SNX29: variants seen among roughly 807,000 people sequenced by gnomAD.
The protein encoded by SNX29 is sorting nexin-29.
Under a neutral mutation model 102.1 loss-of-function variants are expected in SNX29, and 78 were observed. That is an observed-to-expected ratio of 0.76 (90% CI 0.64 to 0.92). The LOEUF is 0.92. Among genes scored for constraint, SNX29 ranks in the 40% least tolerant of loss-of-function variants. The probability of loss-of-function intolerance (pLI) is 0.00; values close to 1 mark genes in which losing one functional copy is unlikely to be tolerated. For synonymous variants in SNX29, 580 were observed against 414.5 expected (o/e 1.40, Z -4.85); for missense variants, 1,280 against 1,061.7 (o/e 1.21, Z -2.86).
intron 6 of SNX29, 100 bp from the exon 7 acceptor site, chr16:12,048,272 G>T: frequency 6.5e-7 from 1 of 1,548,560 alleles, no homozygotes; most frequent in Non-Finnish European, 8.9e-7. Context: ...AGATCAACGT[G>T]CCTCCTCTTC....
At chr16:12,399,131 C>G (rs564216026) in intron 17 of SNX29, among the ~76,000 whole-genome samples, 246 of 152,236 alleles carry the variant, frequency 1.6e-3, no homozygotes, top group African/African-American at 5.6e-3. Context: ...GCTCATTGCA[C>G]CCTCCGCCTA....
In SNX29 at chr16:12,192,059, C is replaced by T. The variant is rs117934789; in HGVS notation, c.1596-7542C>T. Among the ~76,000 whole-genome samples the T allele has an allele frequency of 4.9e-4, 75 of 152,250 alleles. No homozygotes were observed. In the East Asian group the frequency reaches 5.0e-3, roughly 10 times the overall value. ...AATTACCAAATGTACTTACCAGGTT[C>T]GTTAGTTTTGTTGTGAGTAATTTTC... On this transcript the variant is annotated intron_variant, in intron 13 of 20. Transcript: ENST00000566228.
At chr16:12,045,157 T>C (rs1037427228) in intron 5 of SNX29, among the ~76,000 whole-genome samples, 1 of 152,210 alleles carries the variant, frequency 6.6e-6, no homozygotes, top group Admixed American at 6.5e-5. Flanking sequence ...AGCTTGAGCA[T>C]GTGGTTTGTA....
At chr16:12,257,511 C>T (rs1008331612) in intron 14 of SNX29, among the ~76,000 whole-genome samples, 1 of 151,694 alleles carries the variant, frequency 6.6e-6, no homozygotes, top group Admixed American at 6.6e-5. Flanking sequence ...ATCTCTCTCT[C>T]TCTCTCTCTT....
chr16:12,245,916 G>A (rs971263041), intron 14 of SNX29, among the ~76,000 whole-genome samples: 2 of 152,184 alleles, frequency 1.3e-5, no homozygotes, highest in South Asian at 4.1e-4. Context: ...TTTGACTGTG[G>A]GAGAGTAACT....
Position 12,415,018 on chromosome 16 carries a change from C to T in SNX29, c.2037+11489C>T, listed in dbSNP as rs370096779. Among the ~76,000 whole-genome samples the T allele has an allele frequency of 2.2e-4, 34 of 152,344 alleles. No homozygotes were observed. The South Asian group carries it at 6.4e-3, about 29-fold the overall frequency. ...AATTACAGGCATGAGCCACTGCACC[C>T]GGCCTGTTGTCTTTTTAAAGAGACT... On this transcript the variant is annotated intron_variant, in intron 18 of 20. Transcript: ENST00000566228.
intron 13 of SNX29, among the ~76,000 whole-genome samples, chr16:12,135,998 C>G (rs1165932620): frequency 6.6e-6 from 1 of 152,226 alleles, no homozygotes; most frequent in Non-Finnish European, 1.5e-5. Flanking sequence ...GTGTATGTCA[C>G]TGGGACCGGC....
At chr16:12,560,377 A>C (rs969613472) in intron 20 of SNX29, among the ~76,000 whole-genome samples, 1 of 152,162 alleles carries the variant, frequency 6.6e-6, no homozygotes, top group Non-Finnish European at 1.5e-5. Context: ...TTGTGCGCTC[A>C]GTATTTTGAG....
At chr16:11,984,688 C>T (rs930605465) in intron 1 of SNX29, among the ~76,000 whole-genome samples, 3 of 152,028 alleles carry the variant, frequency 2.0e-5, no homozygotes, top group Non-Finnish European at 2.9e-5. Flanking sequence ...GGGTTTTGCT[C>T]TGTTGCCCAG....
intron 15 of SNX29, among the ~76,000 whole-genome samples, chr16:12,290,788 G>A (rs1442292576): frequency 6.6e-6 from 1 of 152,134 alleles, no homozygotes; most frequent in African/African-American, 2.4e-5. Context: ...ATGCTAGACT[G>A]AGGCATAGGA....
chr16:12,152,645 A>G (rs181438204), intron 13 of SNX29, among the ~76,000 whole-genome samples: 7 of 152,316 alleles, frequency 4.6e-5, no homozygotes, highest in Admixed American at 3.9e-4. Context: ...AAAAAGACTG[A>G]CCTGTACTAG....
chr16:12,200,803 A>C (rs1274362745), intron 14 of SNX29, among the ~76,000 whole-genome samples: 2 of 152,148 alleles, frequency 1.3e-5, no homozygotes, highest in African/African-American at 4.8e-5. Context: ...TTCAGAGTCA[A>C]CCAAACCTGC....
At chr16:12,553,963 G>C (rs1050070208) in intron 20 of SNX29, among the ~76,000 whole-genome samples, 1 of 152,110 alleles carries the variant, frequency 6.6e-6, no homozygotes, top group Non-Finnish European at 1.5e-5. Context: ...AAGTAGCTGG[G>C]ACTACAGGCA....
At chr16:12,053,216 A>C (rs1205191167) in intron 8 of SNX29, 5 of 151,310 alleles carry the variant, frequency 3.3e-5, no homozygotes, top group Non-Finnish European at 5.9e-5. Flanking sequence ...AATCGCTTGA[A>C]TATGAGAGGC....
intron 14 of SNX29, among the ~76,000 whole-genome samples, chr16:12,251,809 G>A (rs2078431496): frequency 6.6e-6 from 1 of 152,062 alleles, no homozygotes; most frequent in African/African-American, 2.4e-5. Flanking sequence ...ACCCAGGCTG[G>A]AGTGTGGTGG....
chr16:12,450,904 G>T (rs2086273742), intron 18 of SNX29, among the ~76,000 whole-genome samples: 1 of 152,144 alleles, frequency 6.6e-6, no homozygotes, highest in Admixed American at 6.5e-5. Flanking sequence ...GGAGGTAGAA[G>T]TGCCTGGACT....
At chr16:12,163,702 G>A (rs1350198481) in intron 13 of SNX29, among the ~76,000 whole-genome samples, 1 of 152,204 alleles carries the variant, frequency 6.6e-6, no homozygotes, top group East Asian at 1.9e-4. Flanking sequence ...GGGAGGATTT[G>A]TATTTGTTAA....
At chr16:12,135,705 T>A in intron 13 of SNX29, 2 of 959,856 alleles carry the variant, frequency 2.1e-6, no homozygotes, top group Non-Finnish European at 2.9e-6. Context: ...ACTTTTCATG[T>A]ATGTGAGCCA....
intron 14 of SNX29, among the ~76,000 whole-genome samples, chr16:12,274,593 G>C (rs988720033): frequency 1.3e-5 from 2 of 150,774 alleles, no homozygotes; most frequent in Non-Finnish European, 2.9e-5. Flanking sequence ...ACGGAGTGCA[G>C]CTATGCCATC....
Sources: gnomAD v4.1 joint callset for allele counts (sites outside exome capture counted in the v4.1 genomes callset) on GRCh38, gnomAD v4.1.1 for gene constraint, MANE v1.5 for transcripts, NCBI Gene and HGNC (gene_info 2026-07-23, HGNC 2026-07-21) for gene names.